The following SIK3 variants were observed in gnomAD, a reference collection of about 807,000 sequenced individuals.
SIK3 encodes the protein serine/threonine-protein kinase SIK3.
In SIK3, 28 loss-of-function variants were observed where a neutral mutation model predicts 144.2. The ratio of observed to expected loss-of-function variants is 0.19; its 90% confidence interval spans 0.14 to 0.27. SIK3 has a LOEUF of 0.27. SIK3 is among the 10% of genes least tolerant of loss of function. SIK3 has a pLI of 1.00. For synonymous variants in SIK3, 686 were observed against 676.3 expected, an observed-to-expected ratio of 1.01 and a Z score of -0.22; for missense variants, 1,319 against 1,776.0, an observed-to-expected ratio of 0.74 and a Z score of 4.62.
Position 116,846,554 on chromosome 11 carries a change from C to G in SIK3, c.3953-1G>C. ...TGACCTCCCAGGCTTGCCCCACATT[C>G]TGCAAGACCAAAAAGAACGTATGAG... On this transcript the variant is annotated splice_acceptor_variant, in intron 23 of 24. Transcript: ENST00000445177. LOFTEE classifies it high-confidence loss of function. This position sits in a 1 kb window ranked among gnomAD's most constrained non-coding sequence, Gnocchi z 4.1. The G allele has an allele frequency of 6.2e-7, 1 of 1,614,072 alleles. No individual in the cohort carries two copies. Among genetic ancestry groups the G allele is most frequent in the Non-Finnish European group, 8.5e-7 (1 of 1,179,970 alleles).
At chr11:116,922,835 A>G (rs1183072274) in intron 4 of SIK3, among the ~76,000 whole-genome samples, 1 of 147,130 alleles carries the variant, frequency 6.8e-6, no homozygotes, top group Non-Finnish European at 1.5e-5. Context: ...GTTCCAAGTT[A>G]TTTTGGTACT....
At position 116,985,731 on chromosome 11, in the gene SIK3, C is replaced by A. The variant is rs117672267; in HGVS notation, c.274-28667G>T. On this transcript the variant is annotated intron_variant, in intron 1 of 24. Coordinates refer to ENST00000445177, the MANE Select transcript of SIK3 (RefSeq NM_001366686.3). ...AATTTATTTAGGGCAATAATGAACA[C>A]GAATCAAGAGAAGCCATTGTTTAGG... is the stretch of plus-strand genomic sequence containing the variant. 6.9e-3 allele frequency among the ~76,000 whole-genome samples: 1,047 copies of A among 152,106 alleles called. 7 individuals carry two copies. The highest frequency in any genetic ancestry group is 0.012 in the East Asian group (64 of 5,184).
rs1182704384 is a variant in SIK3, at chr11:117,093,119, G to C, written c.273+5024C>G. Among the ~76,000 whole-genome samples, 8 of 152,230 alleles carry C rather than the reference G, an allele frequency of 5.3e-5. No individual in the cohort carries two copies. In the East Asian group the frequency reaches 9.6e-4, roughly 18 times the overall value. ...GTCACTTCTAGATTGTCTAGGGATG[G>C]GGCTATCTTCCTCAAATGTATCTAA... On this transcript the variant is annotated intron_variant, in intron 1 of 24. Coordinates refer to ENST00000445177, the MANE Select transcript of SIK3 (RefSeq NM_001366686.3).
chr11:117,072,283 G>A (rs553771446), intron 1 of SIK3, among the ~76,000 whole-genome samples: 3 of 152,080 alleles, frequency 2.0e-5, no homozygotes, highest in Non-Finnish European at 2.9e-5. Flanking sequence ...AGCTACCAGC[G>A]AGGCTGAGGT....
At chr11:117,052,409 T>C (rs750202241) in intron 1 of SIK3, among the ~76,000 whole-genome samples, 3 of 152,124 alleles carry the variant, frequency 2.0e-5, no homozygotes, top group Admixed American at 6.6e-5. Flanking sequence ...GTGTTAAGGG[T>C]TGGCAGTAAA....
chr11:116,910,739 C>T (rs1407421716), intron 4 of SIK3, among the ~76,000 whole-genome samples: 4 of 151,980 alleles, frequency 2.6e-5, no homozygotes, highest in Non-Finnish European at 4.4e-5. Flanking sequence ...ATGAAGAGTG[C>T]TAGCAGGCCA....
chr11:116,897,395 A>G, intron 4 of SIK3, 78 bp from the exon 5 acceptor site: 12 of 1,261,174 alleles, frequency 9.5e-6, no homozygotes, highest in South Asian at 1.4e-5. Flanking sequence ...TCTAGTCACT[A>G]AAGATTCCAA....
chr11:117,086,690 CA>C (rs748882909), intron 1 of SIK3, among the ~76,000 whole-genome samples: 10,775 of 125,330 alleles, frequency 0.086, 446 homozygotes, highest in Middle Eastern at 0.17. Flanking sequence ...GACTCCGTCT[CA>C]AAAAAAAAAA....
At chr11:116,909,651 A>C (rs1299334801) in intron 4 of SIK3, among the ~76,000 whole-genome samples, 1 of 152,198 alleles carries the variant, frequency 6.6e-6, no homozygotes, top group Non-Finnish European at 1.5e-5. Context: ...TAAGCTCCAC[A>C]ATCATTAGGG....
In SIK3 at chr11:116,861,575, C is replaced by G. The variant is rs140516620; in HGVS notation, c.2316-192G>C. Among the ~76,000 whole-genome samples, 318 of 152,302 alleles carry G rather than the reference C, an allele frequency of 2.1e-3. 3 individuals carry two copies. Among genetic ancestry groups the G allele is most frequent in the African/African-American group, 7.1e-3 (296 of 41,566 alleles). On this transcript the variant is annotated intron_variant, in intron 18 of 24. Coordinates refer to ENST00000445177, the MANE Select transcript of SIK3 (RefSeq NM_001366686.3). ...ATCTACATCTTGTTTGAAAAGAACT[C>G]AGCCAAAATGGCAGAGTTCATTGTG...
chr11:117,086,361 A>G (rs1311945264), intron 1 of SIK3, among the ~76,000 whole-genome samples: 1 of 152,190 alleles, frequency 6.6e-6, no homozygotes, highest in Non-Finnish European at 1.5e-5. Flanking sequence ...TAATCTCTGA[A>G]ATTCTCACGC....
At chr11:117,003,485 A>T (rs986788752) in intron 1 of SIK3, among the ~76,000 whole-genome samples, 5 of 147,854 alleles carry the variant, frequency 3.4e-5, no homozygotes, top group East Asian at 3.9e-4. Context: ...AGGATGAAAT[A>T]AAAAAAAAAA....
At chr11:117,061,688 C>A (rs1953801301) in intron 1 of SIK3, among the ~76,000 whole-genome samples, 1 of 152,122 alleles carries the variant, frequency 6.6e-6, no homozygotes, top group Admixed American at 6.6e-5. Flanking sequence ...ACTGAGTCTT[C>A]ATTTTAATAA....
chr11:116,920,416 T>C (rs950174192), intron 4 of SIK3, among the ~76,000 whole-genome samples: 1 of 152,242 alleles, frequency 6.6e-6, no homozygotes, highest in Non-Finnish European at 1.5e-5. Flanking sequence ...CTGCGTGGAA[T>C]GTTTTGAAGA....
At chr11:116,887,596 G>A (rs1027765496) in intron 6 of SIK3, among the ~76,000 whole-genome samples, 30 of 149,990 alleles carry the variant, frequency 2.0e-4, no homozygotes, top group Non-Finnish European at 2.9e-4. Context: ...CAGCCTGGGC[G>A]GCAAAATCTG....
intron 1 of SIK3, among the ~76,000 whole-genome samples, chr11:117,088,443 A>C (rs916059891): frequency 2.0e-5 from 3 of 152,196 alleles, no homozygotes; most frequent in African/African-American, 7.2e-5. Context: ...TTAACTATAG[A>C]TAGGAAATTC....
At chr11:116,985,996 G>A (rs1950313114) in intron 1 of SIK3, among the ~76,000 whole-genome samples, 1 of 152,012 alleles carries the variant, frequency 6.6e-6, no homozygotes, top group South Asian at 2.1e-4. Context: ...GTTTCTACTG[G>A]GCTGTGGTAA....
At chr11:116,949,517 T>C (rs977856773) in intron 3 of SIK3, among the ~76,000 whole-genome samples, 14 of 152,326 alleles carry the variant, frequency 9.2e-5, no homozygotes, top group Admixed American at 4.6e-4. Flanking sequence ...TTTTGTTTTA[T>C]TTTTGTTTTT....
chr11:117,098,000 G>T, intron 1 of SIK3, 143 bp downstream of exon 1: 2 of 1,111,760 alleles, frequency 1.8e-6, no homozygotes, highest in Non-Finnish European at 2.2e-6. Flanking sequence ...CGCCCGCCCC[G>T]CCGCGGCTGG....
Sources: gnomAD v4.1 joint callset for allele counts (sites outside exome capture counted in the v4.1 genomes callset) on GRCh38, gnomAD v4.1.1 for gene constraint, Gnocchi (gnomAD v3.1) non-coding constraint, MANE v1.5 for transcripts, NCBI Gene and HGNC (gene_info 2026-07-23, HGNC 2026-07-21) for gene names.